The following CSMD1 variants were observed in gnomAD, a reference collection of about 807,000 sequenced individuals.
The protein encoded by CSMD1 is CUB and Sushi multiple domains 1, also known as CUB and sushi domain-containing protein 1.
CSMD1 carries 213 observed loss-of-function variants against 417.5 expected under a neutral mutation model. That is an observed-to-expected ratio of 0.51 (90% CI 0.46 to 0.57). CSMD1 has a LOEUF of 0.57. CSMD1 is among the 20% of genes least tolerant of loss of function. The pLI, the probability that CSMD1 is intolerant of heterozygous loss-of-function variation, is 0.00. For missense variants in CSMD1, 6,923 were observed against 4,529.7 expected (o/e 1.53, Z -15.17); for synonymous variants, 2,862 against 1,736.8 (o/e 1.65, Z -16.11).
intron 3 of CSMD1, among the ~76,000 whole-genome samples, chr8:4,337,500 T>C (rs149631042): frequency 0.014 from 2,076 of 152,240 alleles, 54 homozygotes; most frequent in African/African-American, 0.048. Flanking sequence ...TCTTATATTC[T>C]AAGGATAATT....
intron 6 of CSMD1, among the ~76,000 whole-genome samples, chr8:3,716,289 G>C (rs1022216893): frequency 3.3e-5 from 5 of 152,162 alleles, no homozygotes; most frequent in African/African-American, 1.2e-4. Flanking sequence ...AATTCAGTGG[G>C]AGTCCACAGA....
At chr8:3,727,473 GA>G (rs1167959183) in intron 6 of CSMD1, among the ~76,000 whole-genome samples, 2 of 152,194 alleles carry the variant, frequency 1.3e-5, no homozygotes, top group Non-Finnish European at 2.9e-5. Flanking sequence ...CATTAAAAAT[GA>G]ATAAAGAGTA....
intron 3 of CSMD1, among the ~76,000 whole-genome samples, chr8:4,373,685 T>C (rs771046267): frequency 6.6e-6 from 1 of 152,086 alleles, no homozygotes; most frequent in Admixed American, 6.5e-5. Flanking sequence ...TTCACTTTAA[T>C]TTAATTAGAA....
intron 7 of CSMD1, among the ~76,000 whole-genome samples, chr8:3,681,362 T>C (rs906634225): frequency 3.9e-5 from 6 of 152,104 alleles, no homozygotes; most frequent in African/African-American, 1.2e-4. Context: ...AAAATCAATG[T>C]GCAAAAATCA....
At chr8:3,642,365 C>G (rs1797349838) in intron 7 of CSMD1, among the ~76,000 whole-genome samples, 1 of 152,096 alleles carries the variant, frequency 6.6e-6, no homozygotes, top group Non-Finnish European at 1.5e-5. Flanking sequence ...GAAATCACCG[C>G]AAAGAATTTA....
intron 5 of CSMD1, among the ~76,000 whole-genome samples, chr8:3,794,800 C>T (rs977159817): frequency 6.6e-6 from 1 of 151,980 alleles, no homozygotes; most frequent in Admixed American, 6.6e-5. Flanking sequence ...TGACAACCAA[C>T]TTGTCAATAA....
intron 3 of CSMD1, among the ~76,000 whole-genome samples, chr8:4,234,209 G>C (rs1181563862): frequency 2.0e-5 from 3 of 152,304 alleles, no homozygotes; most frequent in Non-Finnish European, 2.9e-5. Context: ...GAACAGAAAA[G>C]ACATCTGTAA....
intron 8 of CSMD1, among the ~76,000 whole-genome samples, chr8:3,614,427 G>A (rs757454732): frequency 3.9e-4 from 59 of 152,160 alleles, no homozygotes; most frequent in Non-Finnish European, 2.2e-4. Flanking sequence ...AAATAAGTCT[G>A]ATCTGAGAAT....
At chr8:4,635,297 A>T (rs370390693) in intron 2 of CSMD1, among the ~76,000 whole-genome samples, 9 of 152,176 alleles carry the variant, frequency 5.9e-5, no homozygotes, top group African/African-American at 2.2e-4. Flanking sequence ...CTCCAAAATG[A>T]AATATGTTTC....
chr8:4,744,235 T>G (rs1232043682), intron 1 of CSMD1, among the ~76,000 whole-genome samples: 1 of 152,130 alleles, frequency 6.6e-6, no homozygotes, highest in Non-Finnish European at 1.5e-5. Context: ...CACAGGCAAG[T>G]CCCCACTTGG....
chr8:3,239,677 A>G (rs2116960198), intron 26 of CSMD1, among the ~76,000 whole-genome samples: 1 of 152,344 alleles, frequency 6.6e-6, no homozygotes, highest in Admixed American at 6.5e-5. Context: ...AGAGGTTCTA[A>G]GAGGCGGGCT....
At chr8:3,158,847 A>T (rs1159887052) in intron 38 of CSMD1, among the ~76,000 whole-genome samples, 1 of 152,186 alleles carries the variant, frequency 6.6e-6, no homozygotes, top group Non-Finnish European at 1.5e-5. Flanking sequence ...GGCAATTGAA[A>T]AACAATATCT....
chr8:4,374,773 G>GC (rs1802615106), intron 3 of CSMD1, among the ~76,000 whole-genome samples: 2 of 152,024 alleles, frequency 1.3e-5, no homozygotes, highest in Admixed American at 1.3e-4. Context: ...CTAATGAATG[G>GC]CCACCTGCTC....
At chr8:4,478,640 C>A (rs549347456) in intron 2 of CSMD1, among the ~76,000 whole-genome samples, 1 of 152,202 alleles carries the variant, frequency 6.6e-6, no homozygotes, top group African/African-American at 2.4e-5. Flanking sequence ...AGAGAGGAAA[C>A]TATAAATTTT....
At chr8:4,022,809 G>C (rs998661877) in intron 4 of CSMD1, among the ~76,000 whole-genome samples, 3 of 152,174 alleles carry the variant, frequency 2.0e-5, no homozygotes, top group South Asian at 2.1e-4. Context: ...GTGTAAGTTA[G>C]AGAAACAATT....
chr8:3,453,120 A>T (rs1205871248), intron 12 of CSMD1, among the ~76,000 whole-genome samples: 1 of 152,152 alleles, frequency 6.6e-6, no homozygotes, highest in African/African-American at 2.4e-5. Context: ...TGGTTATAGT[A>T]TTCTCTGATG....
intron 3 of CSMD1, among the ~76,000 whole-genome samples, chr8:4,162,199 T>A (rs7841880): frequency 3.0e-4 from 45 of 151,664 alleles, no homozygotes; most frequent in African/African-American, 9.9e-4. Context: ...TCCAAAATTA[T>A]ATGCATGTCT....
chr8:3,401,774 T>C (rs1052575559), intron 15 of CSMD1, among the ~76,000 whole-genome samples: 3 of 152,146 alleles, frequency 2.0e-5, no homozygotes, highest in Non-Finnish European at 2.9e-5. Flanking sequence ...ATATACCTAA[T>C]TGACCAGAAC....
At chr8:3,538,173 C>T (rs560755266) in intron 10 of CSMD1, among the ~76,000 whole-genome samples, 13 of 152,060 alleles carry the variant, frequency 8.5e-5, no homozygotes, top group Admixed American at 2.0e-4. Context: ...AATTACATGA[C>T]GGATCAACTA....
Sources: allele counts gnomAD v4.1 joint callset (sites outside exome capture counted in the v4.1 genomes callset), GRCh38; gene constraint gnomAD v4.1.1; transcripts MANE v1.5; gene names NCBI Gene and HGNC (gene_info 2026-07-23, HGNC 2026-07-21).